The following C14orf39 variants were observed in gnomAD, a reference collection of about 807,000 sequenced individuals.
C14orf39 encodes chromosome 14 open reading frame 39, also known as protein SIX6OS1.
In C14orf39, 66 loss-of-function variants were observed where a neutral mutation model predicts 85.6. The ratio of observed to expected loss-of-function variants is 0.77; its 90% confidence interval spans 0.63 to 0.95. The LOEUF is 0.95. Ranked by LOEUF, C14orf39 falls within the 40% of genes least tolerant of loss-of-function variation. The pLI is 0.00. For missense variants in C14orf39, 735 were observed against 663.9 expected (o/e 1.11, Z -1.18); for synonymous variants, 242 against 214.0 (o/e 1.13, Z -1.14).
intron 16 of C14orf39, among the ~76,000 whole-genome samples, chr14:60,445,341 C>T (rs1890712844): frequency 1.3e-5 from 2 of 152,104 alleles, no homozygotes; most frequent in Non-Finnish European, 2.9e-5. Context: ...CAGAGACACA[C>T]ATAGGCTCAA....
chr14:60,460,176 T>C (rs889027348), intron 13 of C14orf39, among the ~76,000 whole-genome samples: 6 of 151,752 alleles, frequency 4.0e-5, no homozygotes, highest in Admixed American at 1.3e-4. Flanking sequence ...TCCAAAATAA[T>C]TGTATTCATT....
upstream of C14orf39, among the ~76,000 whole-genome samples, chr14:60,490,589 A>G (rs1892975267): frequency 6.6e-6 from 1 of 152,122 alleles, no homozygotes; most frequent in Admixed American, 6.5e-5. Flanking sequence ...GCACCACTGC[A>G]CTCCAGCTTA....
chr14:60,436,958 C>G lies in C14orf39; in HGVS notation c.1651G>C (p.Asp551His), dbSNP rs759673165. The G allele has an allele frequency of 6.2e-7, 1 of 1,612,588 alleles. No homozygotes were observed. The highest frequency in any genetic ancestry group is 1.3e-5 in the African/African-American group (1 of 74,840). Reference sequence around the variant, plus strand: ...AATGAAAATGGAAAACTAAAATCATCTTTTCCAGCTCCAAATGTATGAGTT... The same window carrying G: ...AATGAAAATGGAAAACTAAAATCATGTTTTCCAGCTCCAAATGTATGAGTT... The part of the protein sequence containing the change: ...TSTHTFGAGK[D>H]DFSFPFSFGQ... Residue 551 changes from aspartate to histidine, a missense_variant, in exon 18 of 18, where the codon GAT becomes CAT. Transcript: ENST00000321731.
chr14:60,459,699 C>T (rs1029891531), intron 13 of C14orf39, among the ~76,000 whole-genome samples: 5 of 151,704 alleles, frequency 3.3e-5, no homozygotes, highest in African/African-American at 1.2e-4. Flanking sequence ...AATGATACCT[C>T]ACTGTAGTTT....
chr14:60,458,862 A>G (rs1419573537), intron 13 of C14orf39, 123 bp from the exon 14 acceptor site: 20 of 649,084 alleles, frequency 3.1e-5, no homozygotes, highest in Non-Finnish European at 5.3e-5. Context: ...GCAACTTCAT[A>G]TGGTTCAACA....
chr14:60,488,330 T>C (rs1356360363), upstream of C14orf39, among the ~76,000 whole-genome samples: 1 of 152,156 alleles, frequency 6.6e-6, no homozygotes, highest in Non-Finnish European at 1.5e-5. Flanking sequence ...ATCTATCTTA[T>C]TCCATTCCAA....
At chr14:60,453,743 T>A (rs560832926) in intron 16 of C14orf39, among the ~76,000 whole-genome samples, 1 of 151,832 alleles carries the variant, frequency 6.6e-6, no homozygotes, top group African/African-American at 2.4e-5. Context: ...CAGTTATTAA[T>A]TATTTTGCCA....
intron 11 of C14orf39, among the ~76,000 whole-genome samples, chr14:60,465,020 G>A (rs1293191297): frequency 2.6e-5 from 4 of 151,912 alleles, no homozygotes; most frequent in African/African-American, 9.7e-5. Context: ...ACCCTTAAAT[G>A]TTTAATATGT....
chr14:60,497,022 G>A (rs1046758644), intron 2 of C14orf39: 1 of 152,226 alleles, frequency 6.6e-6, no homozygotes, highest in African/African-American at 2.4e-5. Context: ...ATGGCCTACA[G>A]GGACCTTTAC....
intron 2 of C14orf39, chr14:60,495,129 C>T (rs775740413): frequency 4.4e-6 from 1 of 229,220 alleles, no homozygotes. Flanking sequence ...GGCCATAGAT[C>T]TTACATTGGA....
At position 60,447,288 on chromosome 14, in the gene C14orf39, T is replaced by C. The variant is rs947861076; in HGVS notation, c.1504-5157A>G. On this transcript the variant is annotated intron_variant, in intron 16 of 17. Coordinates refer to ENST00000321731, the MANE Select transcript of C14orf39 (RefSeq NM_174978.3). ...TCTGTTTGCAGATGACATGATTGTA[T>C]ATTTAGAAAAGCCCATCATCTCAGC... 2.0e-5 allele frequency among the ~76,000 whole-genome samples: 3 copies of C among 152,380 alleles called. No homozygotes were observed. The South Asian group carries it at 6.2e-4, about 32-fold the overall frequency.
chr14:60,474,602 T>C (rs1484713901), intron 5 of C14orf39, among the ~76,000 whole-genome samples: 2 of 152,220 alleles, frequency 1.3e-5, no homozygotes, highest in Admixed American at 6.5e-5. Flanking sequence ...TGATAGTTTT[T>C]AGCATGAAGC....
intron 7 of C14orf39, 114 bp downstream of exon 7, chr14:60,471,303 A>T: frequency 1.1e-6 from 1 of 886,814 alleles, no homozygotes; most frequent in Non-Finnish European, 1.7e-6. Context: ...TAAATATTTT[A>T]ATTAAACACA....
At position 60,478,407 on chromosome 14, in the gene C14orf39, T is replaced by TA. The variant is rs1566678638; in HGVS notation, c.234-19_234-18insT. The stretch of plus-strand genomic sequence containing the variant: ...GCTTCCAGCTATAGAAAAAAATATA[T>TA]TTGTAATTAGCAACTCAGAATGATA... On this transcript the variant is annotated intron_variant, in intron 4 of 17. Transcript: ENST00000321731. 7.2e-7 allele frequency: 1 copy of TA among 1,387,216 alleles called. No individual in the cohort carries two copies. The highest frequency in any genetic ancestry group is 9.9e-7 in the Non-Finnish European group (1 of 1,006,544). 85.9% of individuals were successfully genotyped at this position (1,387,216 alleles called of 1,614,324 possible). A position where few individuals can be genotyped will look rare whatever the true frequency, so the allele number is the denominator to read the frequency against.
At chr14:60,464,043 A>C (rs921186335) in intron 11 of C14orf39, among the ~76,000 whole-genome samples, 2 of 152,118 alleles carry the variant, frequency 1.3e-5, no homozygotes, top group African/African-American at 4.8e-5. Context: ...AGGTACCCAA[A>C]TGACCAAGTT....
chr14:60,444,633 A>G (rs1890675735), intron 16 of C14orf39, among the ~76,000 whole-genome samples: 1 of 152,214 alleles, frequency 6.6e-6, no homozygotes, highest in Non-Finnish European at 1.5e-5. Flanking sequence ...TCTTCAGGAT[A>G]TTATCCAGGA....
chr14:60,483,585 T>C (rs140043622), intron 4 of C14orf39, 106 bp downstream of exon 4: 12,935 of 934,884 alleles, frequency 0.014, 119 homozygotes, highest in Middle Eastern at 0.035. Flanking sequence ...AAGACTTGAT[T>C]CATTAGCTAA....
At chr14:60,509,564 G>C in intron 1 of C14orf39, 1 of 1,612,060 alleles carries the variant, frequency 6.2e-7, no homozygotes, top group Non-Finnish European at 8.5e-7. Flanking sequence ...GGTGCTACGC[G>C]CACGAGCCAT....
chr14:60,469,671 C>G lies in C14orf39; in HGVS notation c.555-18G>C. 1 of 1,047,638 alleles carries G rather than the reference C, an allele frequency of 9.5e-7. No individual in the cohort carries two copies. The highest frequency in any genetic ancestry group is 2.7e-5 in the East Asian group (1 of 36,576). The allele number at this position is 1,047,638 out of a possible 1,614,324, so 64.9% of individuals were successfully genotyped here. Reference sequence around the variant, plus strand: ...AATTAACACTTTTTATGTTAAGGAACTATGTCATATAAGTAAATTTTATAT... The same window carrying G: ...AATTAACACTTTTTATGTTAAGGAAGTATGTCATATAAGTAAATTTTATAT... On this transcript the variant is annotated intron_variant, in intron 7 of 17. Coordinates refer to ENST00000321731, the MANE Select transcript of C14orf39 (RefSeq NM_174978.3).
Sources: allele counts gnomAD v4.1 joint callset (sites outside exome capture counted in the v4.1 genomes callset), GRCh38; gene constraint gnomAD v4.1.1; transcripts MANE v1.5; gene names NCBI Gene and HGNC (gene_info 2026-07-23, HGNC 2026-07-21).